Variants in SLIT2 observed in about 807,000 individuals in gnomAD.
The protein encoded by SLIT2 is slit guidance ligand 2.
Under a neutral mutation model 185.7 loss-of-function variants are expected in SLIT2, and 41 were observed. The ratio of observed to expected loss-of-function variants is 0.22; its 90% CI spans 0.17 to 0.29. The LOEUF is 0.29. Among genes scored for constraint, SLIT2 ranks in the 10% least tolerant of loss-of-function variants. The pLI is 1.00. For missense variants in SLIT2, 1,571 were observed against 1,909.0 expected (o/e 0.82, Z 3.30); for synonymous variants, 693 against 680.2 (o/e 1.02, Z -0.29).
At chr4:20,368,220 A>C (rs1280688040) in intron 4 of SLIT2, among the ~76,000 whole-genome samples, 1 of 27,204 alleles carries the variant, frequency 3.7e-5, no homozygotes. Flanking sequence ...ACAAAATAGC[A>C]AAAAAAAAAA....
At chr4:20,568,015 C>T (rs1725250603) in intron 28 of SLIT2, among the ~76,000 whole-genome samples, 2 of 152,128 alleles carry the variant, frequency 1.3e-5, no homozygotes, top group Admixed American at 6.6e-5. Context: ...ATATAGGTCC[C>T]ACTGAAACAG....
At chr4:20,399,079 C>T (rs1160341239) in intron 4 of SLIT2, among the ~76,000 whole-genome samples, 3 of 151,066 alleles carry the variant, frequency 2.0e-5, no homozygotes, top group African/African-American at 7.3e-5. Flanking sequence ...GTAAAACATG[C>T]CAAGCAGCTT....
At chr4:20,449,093 A>G (rs1490356304) in intron 4 of SLIT2, among the ~76,000 whole-genome samples, 1 of 152,078 alleles carries the variant, frequency 6.6e-6, no homozygotes, top group African/African-American at 2.4e-5. Flanking sequence ...TTTCAATATT[A>G]TTAAATAAAT....
chr4:20,598,247 A>G lies in SLIT2; in HGVS notation c.3562-18A>G. The G allele has an allele frequency of 1.2e-6, 2 of 1,613,072 alleles. No individual in the cohort carries two copies. The highest frequency in any genetic ancestry group is 1.3e-5 in the African/African-American group (1 of 75,008). ...GTTGCGTACACATCCTAGTAATGCCAGGGTTACTTTCTACTAGATTGCCAC... is the reference window on the plus strand; with the variant it reads ...GTTGCGTACACATCCTAGTAATGCCGGGGTTACTTTCTACTAGATTGCCAC... On this transcript the variant is annotated intron_variant, in intron 32 of 36. Transcript: ENST00000504154.
intron 4 of SLIT2, among the ~76,000 whole-genome samples, chr4:20,399,991 A>T (rs919469657): frequency 6.6e-6 from 1 of 151,786 alleles, no homozygotes; most frequent in Non-Finnish European, 1.5e-5. Flanking sequence ...GATGTGAGGC[A>T]GGAGATGGAA....
chr4:20,557,133 G>A (rs781512806), intron 26 of SLIT2, among the ~76,000 whole-genome samples: 1 of 152,076 alleles, frequency 6.6e-6, no homozygotes. Context: ...AAAGTGCAAG[G>A]TGAAGCTCCA....
chr4:20,606,827 T>C (rs965798664), intron 33 of SLIT2, among the ~76,000 whole-genome samples: 33 of 152,232 alleles, frequency 2.2e-4, no homozygotes, highest in Admixed American at 6.5e-4. Context: ...TTTGCTATCA[T>C]ACAAGGTAAT....
intron 3 of SLIT2, among the ~76,000 whole-genome samples, chr4:20,263,729 G>T (rs958481212): frequency 1.3e-5 from 2 of 151,770 alleles, no homozygotes; most frequent in Non-Finnish European, 2.9e-5. Flanking sequence ...TTAAAACAGG[G>T]ATAATCATTA....
At chr4:20,260,237 C>T (rs1712304602) in intron 3 of SLIT2, among the ~76,000 whole-genome samples, 1 of 151,698 alleles carries the variant, frequency 6.6e-6, no homozygotes, top group South Asian at 2.1e-4. Flanking sequence ...CAAAAAATTG[C>T]TTGCTTTTTC....
intron 5 of SLIT2, among the ~76,000 whole-genome samples, chr4:20,471,886 T>G (rs1333782923): frequency 6.6e-6 from 1 of 152,094 alleles, no homozygotes; most frequent in Non-Finnish European, 1.5e-5. Context: ...CCATAACTTT[T>G]TTGCTTCTCT....
chr4:20,405,095 A>G (rs1234609779), intron 4 of SLIT2, among the ~76,000 whole-genome samples: 1 of 151,850 alleles, frequency 6.6e-6, no homozygotes, highest in African/African-American at 2.4e-5. Flanking sequence ...AATACATATA[A>G]CACATGATTT....
At chr4:20,400,254 T>C (rs13106666) in intron 4 of SLIT2, among the ~76,000 whole-genome samples, 15 of 151,698 alleles carry the variant, frequency 9.9e-5, no homozygotes, top group Non-Finnish European at 1.9e-4. Flanking sequence ...GGAAGATTAA[T>C]TGAATGGTAA....
At chr4:20,315,049 A>T (rs895386087) in intron 4 of SLIT2, among the ~76,000 whole-genome samples, 2 of 151,834 alleles carry the variant, frequency 1.3e-5, no homozygotes, top group African/African-American at 4.8e-5. Flanking sequence ...TAAACATGTG[A>T]TCATACCCAA....
intron 4 of SLIT2, among the ~76,000 whole-genome samples, chr4:20,410,104 G>A (rs1727099645): frequency 6.6e-6 from 1 of 152,030 alleles, no homozygotes; most frequent in Admixed American, 6.5e-5. Flanking sequence ...TGCTTTTGTT[G>A]CAATTGCTTT....
chr4:20,550,783 T>G (rs772821221), intron 24 of SLIT2, 44 bp from the exon 25 acceptor site: 1 of 1,239,960 alleles, frequency 8.1e-7, no homozygotes, highest in Non-Finnish European at 1.2e-6. Context: ...AGTCTATGAG[T>G]TCAGAAATAT....
At chr4:20,327,182 C>G (rs1399355352) in intron 4 of SLIT2, among the ~76,000 whole-genome samples, 1 of 151,848 alleles carries the variant, frequency 6.6e-6, no homozygotes, top group Admixed American at 6.6e-5. Flanking sequence ...CCTGACTTTT[C>G]TAATGAAGCC....
chr4:20,358,922 G>A (rs1722537657), intron 4 of SLIT2, among the ~76,000 whole-genome samples: 1 of 151,994 alleles, frequency 6.6e-6, no homozygotes, highest in African/African-American at 2.4e-5. Flanking sequence ...TAGATACAAA[G>A]TTTCTGTAAA....
intron 6 of SLIT2, among the ~76,000 whole-genome samples, chr4:20,483,881 A>G (rs949101492): frequency 1.3e-5 from 2 of 152,072 alleles, no homozygotes; most frequent in African/African-American, 4.8e-5. Flanking sequence ...CATAACATAC[A>G]CAAGTAATCA....
At chr4:20,336,052 A>G (rs1348864763) in intron 4 of SLIT2, among the ~76,000 whole-genome samples, 1 of 152,100 alleles carries the variant, frequency 6.6e-6, no homozygotes, top group Non-Finnish European at 1.5e-5. Context: ...GTTATATTCC[A>G]GGTGTGTAGG....
Sources: allele counts gnomAD v4.1 joint callset (sites outside exome capture counted in the v4.1 genomes callset), GRCh38; gene constraint gnomAD v4.1.1; transcripts MANE v1.5; gene names NCBI Gene and HGNC (gene_info 2026-07-23, HGNC 2026-07-21).